PHF21B: variants seen among roughly 807,000 people sequenced by gnomAD.
The protein encoded by PHF21B is PHD finger protein 4.
Under a neutral mutation model 62.2 loss-of-function variants are expected in PHF21B, and 22 were observed. The observed-to-expected ratio is 0.35, with a 90% CI of 0.25 to 0.51. PHF21B has a LOEUF of 0.51. Among genes scored for constraint, PHF21B ranks in the 20% least tolerant of loss-of-function variants. The probability of loss-of-function intolerance (pLI) is 0.97; values close to 1 mark genes in which losing one functional copy is unlikely to be tolerated. For missense variants in PHF21B, 701 were observed against 707.9 expected (o/e 0.99, Z 0.11); for synonymous variants, 341 against 314.7 (o/e 1.08, Z -0.88).
intron 2 of PHF21B, among the ~76,000 whole-genome samples, chr22:44,957,811 A>G (rs914358950): frequency 6.6e-6 from 1 of 152,080 alleles, no homozygotes; most frequent in Non-Finnish European, 1.5e-5. Context: ...TATCTTTCTG[A>G]GAAAGGCGAC....
At chr22:44,964,006 G>A (rs1439783160) in intron 2 of PHF21B, among the ~76,000 whole-genome samples, 3 of 152,240 alleles carry the variant, frequency 2.0e-5, no homozygotes, top group Non-Finnish European at 2.9e-5. Flanking sequence ...CTGTGTTCCA[G>A]CCCTGACCTT....
intron 2 of PHF21B, among the ~76,000 whole-genome samples, chr22:44,961,869 T>C (rs868388309): frequency 4.8e-4 from 72 of 151,102 alleles, no homozygotes; most frequent in Middle Eastern, 3.5e-3. Context: ...AATAAATAAA[T>C]AAATAAATAA....
At chr22:44,938,813 TG>T in intron 2 of PHF21B, among the ~76,000 whole-genome samples, 1 of 152,288 alleles carries the variant, frequency 6.6e-6, no homozygotes, top group South Asian at 2.1e-4. Flanking sequence ...GCACTGAATA[TG>T]GGGCAGGAAA....
At chr22:44,898,907 C>T (rs903051763) in intron 5 of PHF21B, among the ~76,000 whole-genome samples, 5 of 152,196 alleles carry the variant, frequency 3.3e-5, no homozygotes, top group African/African-American at 4.8e-5. Flanking sequence ...CCGTGTTTCA[C>T]TGACTTAAGG....
At chr22:44,978,369 T>G (rs13055438) in intron 2 of PHF21B, among the ~76,000 whole-genome samples, 1 of 152,130 alleles carries the variant, frequency 6.6e-6, no homozygotes, top group Non-Finnish European at 1.5e-5. Context: ...TTTGTTTTGT[T>G]TGTTTTTTGA....
chr22:44,955,909 C>T (rs963002935), intron 2 of PHF21B, among the ~76,000 whole-genome samples: 14 of 152,186 alleles, frequency 9.2e-5, no homozygotes, highest in Non-Finnish European at 1.5e-4. Context: ...AAGACGCTTC[C>T]GTCATATTAC....
intron 2 of PHF21B, among the ~76,000 whole-genome samples, chr22:44,997,240 G>C (rs970579091): frequency 1.3e-5 from 2 of 152,166 alleles, no homozygotes; most frequent in African/African-American, 4.8e-5. Flanking sequence ...GCTCCTGCTT[G>C]GAGATGGCAG....
At chr22:44,957,431 A>G (rs2072323699) in intron 2 of PHF21B, among the ~76,000 whole-genome samples, 1 of 152,212 alleles carries the variant, frequency 6.6e-6, no homozygotes, top group South Asian at 2.1e-4. Flanking sequence ...GGCCCCTCAC[A>G]GCCTTCCTCT....
intron 2 of PHF21B, among the ~76,000 whole-genome samples, chr22:44,939,922 T>C (rs2071923348): frequency 6.6e-6 from 1 of 152,112 alleles, no homozygotes; most frequent in Admixed American, 6.5e-5. Context: ...GGTTGGGCTC[T>C]GGGCTTTAAG....
intron 9 of PHF21B, among the ~76,000 whole-genome samples, chr22:44,888,593 C>T (rs528946339): frequency 8.6e-4 from 131 of 152,302 alleles, no homozygotes; most frequent in Non-Finnish European, 1.5e-4. Flanking sequence ...GGAGGGGCGG[C>T]GTAGCCCCGG....
intron 2 of PHF21B, among the ~76,000 whole-genome samples, chr22:44,955,569 G>C (rs2072279544): frequency 2.6e-5 from 4 of 152,206 alleles, no homozygotes; most frequent in Admixed American, 2.6e-4. Flanking sequence ...AAAAAGGCGG[G>C]GAAGGGTGGC....
At chr22:44,912,948 G>C (rs1416389332) in intron 5 of PHF21B, among the ~76,000 whole-genome samples, 2 of 151,680 alleles carry the variant, frequency 1.3e-5, no homozygotes, top group East Asian at 3.9e-4. Context: ...AGGGTTGAAT[G>C]GAAAAGACCC....
chr22:44,918,713 G>A (rs1341980942), intron 3 of PHF21B, among the ~76,000 whole-genome samples: 2 of 152,244 alleles, frequency 1.3e-5, no homozygotes, highest in Non-Finnish European at 2.9e-5. Flanking sequence ...GCAGGCCAAC[G>A]GCAGGTGCAG....
chr22:44,899,085 G>GT (rs1366074684), intron 5 of PHF21B, among the ~76,000 whole-genome samples: 1 of 152,080 alleles, frequency 6.6e-6, no homozygotes, highest in African/African-American at 2.4e-5. Flanking sequence ...TCCCTTCACT[G>GT]TTTTTCCTGT....
chr22:44,942,597 A>G (rs2071980599), intron 2 of PHF21B, among the ~76,000 whole-genome samples: 1 of 152,164 alleles, frequency 6.6e-6, no homozygotes, highest in Non-Finnish European at 1.5e-5. Context: ...CCCTAGGAGC[A>G]GCTGCCCCAC....
intron 2 of PHF21B, among the ~76,000 whole-genome samples, chr22:44,936,325 G>A (rs2071846220): frequency 6.6e-6 from 1 of 152,234 alleles, no homozygotes; most frequent in African/African-American, 2.4e-5. Flanking sequence ...GCGGCTCCTT[G>A]TAGAGAGGCC....
At position 44,891,331 on chromosome 22, in the gene PHF21B, G is replaced by T. The variant is rs1207559848; in HGVS notation, c.990C>A (p.Asn330Lys). The change falls in exon 8 of 13, where the codon AAC (asparagine) becomes AAA (lysine). Residue 330 changes from asparagine to lysine, a missense_variant. Physicochemically the swap from Asn to Lys is moderately conservative, Grantham distance 94. Coordinates refer to ENST00000313237, the MANE Select transcript of PHF21B (RefSeq NM_138415.5). ...ERKRLASNYL[N>K]NPLFLTARAN... Reference sequence around the variant, plus strand: ...CTCTCGCTGTGAGGAACAGGGGGTTGTTGAGATAGTTGGAGGCCAGCCGTT... The same window carrying T: ...CTCTCGCTGTGAGGAACAGGGGGTTTTTGAGATAGTTGGAGGCCAGCCGTT... The T allele has an allele frequency of 6.8e-6, 11 of 1,614,000 alleles. No homozygotes were observed. The South Asian group carries it at 1.2e-4, about 18-fold the overall frequency.
intron 4 of PHF21B, among the ~76,000 whole-genome samples, chr22:44,915,458 A>G (rs1002371984): frequency 6.6e-6 from 1 of 152,226 alleles, no homozygotes; most frequent in Non-Finnish European, 1.5e-5. Flanking sequence ...CCTTGTCTGG[A>G]TCAGGTGCCC....
intron 2 of PHF21B, among the ~76,000 whole-genome samples, chr22:44,954,406 G>A (rs944939418): frequency 4.6e-5 from 7 of 152,142 alleles, no homozygotes; most frequent in African/African-American, 1.7e-4. Context: ...CTCCCTACCT[G>A]GTGCCCAATG....
Sources: gnomAD v4.1 joint callset for allele counts (sites outside exome capture counted in the v4.1 genomes callset) on GRCh38, gnomAD v4.1.1 for gene constraint, MANE v1.5 for transcripts, NCBI Gene and HGNC (gene_info 2026-07-23, HGNC 2026-07-21) for gene names.